PLEKHA8: variants seen among roughly 807,000 people sequenced by gnomAD.
PLEKHA8 encodes pleckstrin homology domain-containing family A member 8.
In PLEKHA8, 36 loss-of-function variants were observed where a neutral mutation model predicts 68.2. The ratio of observed to expected loss-of-function variants is 0.53; its 90% confidence interval spans 0.40 to 0.70. The LOEUF is 0.70. Among genes scored for constraint, PLEKHA8 ranks in the 30% least tolerant of loss-of-function variants. The pLI, the probability that PLEKHA8 is intolerant of heterozygous loss-of-function variation, is 0.00. For missense variants in PLEKHA8, 505 were observed against 615.4 expected (o/e 0.82, Z 1.90); for synonymous variants, 211 against 216.1 (o/e 0.98, Z 0.20).
intron 12 of PLEKHA8, chr7:30,071,711 G>C (rs1192647617): frequency 6.6e-6 from 1 of 152,172 alleles, no homozygotes; most frequent in Non-Finnish European, 1.5e-5. Flanking sequence ...TCCACCAGCA[G>C]ATTTTAATGG....
Position 30,052,799 on chromosome 7 carries a change from A to G in PLEKHA8, c.729A>G (p.Leu243=). Residue 243 remains leucine (L), a synonymous_variant, in exon 7 of 14, where the codon TTA becomes TTG. Transcript: ENST00000449726. Reference sequence around the variant, plus strand: ...TCCTAATGAAAAATAAGAATTCCTTATATTTGAAATCTGCAGAGATAGACT... The same window carrying G: ...TCCTAATGAAAAATAAGAATTCCTTGTATTTGAAATCTGCAGAGATAGACT... ...EEILMKNKNS[L]YLKSAEIDCS... The G allele has an allele frequency of 6.4e-7, 1 of 1,568,786 alleles. No individual in the cohort carries two copies.
At chr7:30,095,468 T>A (rs1414853072), downstream of PLEKHA8, among the ~76,000 whole-genome samples, 1 of 152,264 alleles carries the variant, frequency 6.6e-6, no homozygotes, top group Non-Finnish European at 1.5e-5. Context: ...TCTCCCATTC[T>A]GTAGGTTGCC....
chr7:30,080,514 T>C lies in PLEKHA8; in HGVS notation c.*1727T>C, dbSNP rs76486848. The C allele has an allele frequency of 4.3e-3, 4,191 of 985,346 alleles. 133 individuals carry two copies. The African/African-American group carries it at 0.066, about 15-fold the overall frequency. The allele number at this position is 985,346 out of a possible 1,614,324, so 61.0% of individuals were successfully genotyped here. The stretch of plus-strand genomic sequence containing the variant: ...TTCTCTCTTTAGTCAGAGAAGTTTA[T>C]GTAGGGAGGGGTATTGGTTTTGCCT... On this transcript the variant is annotated 3_prime_UTR_variant, in exon 14 of 14. Transcript: ENST00000449726.
chr7:30,080,775 TTAGTATGA>T lies in PLEKHA8; in HGVS notation c.*1989_*1996del, dbSNP rs1268867193. On this transcript the variant is annotated 3_prime_UTR_variant, in exon 14 of 14. Coordinates refer to ENST00000449726, the MANE Select transcript of PLEKHA8 (RefSeq NM_001197026.2). ...AGTGAGTATAGATCTCCTTCTCTGA[TTAGTATGA>T]ATATGATGGCAGGACTCGGGGATAG... 1.0e-6 allele frequency: 1 copy of T among 985,180 alleles called. No individual in the cohort carries two copies. Among genetic ancestry groups the T allele is most frequent in the East Asian group, 1.1e-4 (1 of 8,824 alleles). 61.0% of individuals were successfully genotyped at this position (985,180 alleles called of 1,614,324 possible).
At chr7:30,104,694 G>C (rs1795993325) in intron 13 of PLEKHA8, among the ~76,000 whole-genome samples, 1 of 147,428 alleles carries the variant, frequency 6.8e-6, no homozygotes, top group Admixed American at 6.8e-5. Flanking sequence ...TGGGTGTTGA[G>C]TGGTAAAGGT....
chr7:30,081,862 A>G lies in PLEKHA8; in HGVS notation c.*3075A>G. ...CCAGTGTTTACACTTTGTAGGGATC[A>G]GGGTGTATTTGTTGAATTAAACAAA... is the stretch of plus-strand genomic sequence containing the variant. On this transcript the variant is annotated 3_prime_UTR_variant, in exon 14 of 14. Transcript: ENST00000449726. 1.0e-6 allele frequency: 1 copy of G among 985,420 alleles called. No individual in the cohort carries two copies. Among genetic ancestry groups the G allele is most frequent in the Non-Finnish European group, 1.2e-6 (1 of 829,902 alleles). The allele number at this position is 985,420 out of a possible 1,614,324, so 61.0% of individuals were successfully genotyped here.
intron 9 of PLEKHA8, among the ~76,000 whole-genome samples, chr7:30,056,724 CA>C (rs1195453987): frequency 1.6e-3 from 64 of 39,864 alleles, no homozygotes; most frequent in Non-Finnish European, 1.9e-3. Context: ...CAGCCTGTCT[CA>C]AAAAAAAAAA....
chr7:30,088,178 A>G (rs1161378119), downstream of PLEKHA8, among the ~76,000 whole-genome samples: 3 of 152,218 alleles, frequency 2.0e-5, no homozygotes, highest in Non-Finnish European at 2.9e-5. Context: ...CTCAGGAAAT[A>G]CTTTTTGAGT....
At chr7:30,112,372 G>C (rs1222988986) in intron 13 of PLEKHA8, among the ~76,000 whole-genome samples, 1 of 149,872 alleles carries the variant, frequency 6.7e-6, no homozygotes, top group Non-Finnish European at 1.5e-5. Flanking sequence ...TTAACAAAAA[G>C]ATAACTCCTT....
intron 2 of PLEKHA8, among the ~76,000 whole-genome samples, chr7:30,045,892 A>G (rs1459025426): frequency 6.6e-6 from 1 of 152,214 alleles, no homozygotes; most frequent in African/African-American, 2.4e-5. Context: ...ACACACACCC[A>G]CTGAAAGAAA....
chr7:30,056,779 GTGTGTGTA>G lies in PLEKHA8; in HGVS notation c.1039+1439_1039+1446del, dbSNP rs1485957049. Among the ~76,000 whole-genome samples the G allele has an allele frequency of 3.6e-3, 367 of 101,344 alleles. 2 individuals are homozygous for G. Among genetic ancestry groups the G allele is most frequent in the East Asian group, 0.013 (55 of 4,372 alleles). 66.5% of individuals were successfully genotyped at this position (101,344 alleles called of 152,430 possible). On this transcript the variant is annotated intron_variant, in intron 9 of 13. Transcript: ENST00000449726. ...TGTGTGTGTGTGTGTGTGTGTGTGT[GTGTGTGTA>G]TATATATATGTTATGTGTATATATA...
chr7:30,123,032 C>A (rs1037287031), intron 13 of PLEKHA8, among the ~76,000 whole-genome samples: 1 of 152,164 alleles, frequency 6.6e-6, no homozygotes, highest in Non-Finnish European at 1.5e-5. Flanking sequence ...TTTCCCCCCC[C>A]TAAGCTAGCT....
At chr7:30,029,597 C>T (rs1183325015) in intron 1 of PLEKHA8, among the ~76,000 whole-genome samples, 1 of 152,204 alleles carries the variant, frequency 6.6e-6, no homozygotes, top group East Asian at 1.9e-4. Flanking sequence ...GTATTTAATA[C>T]AAGCCTACTA....
intron 13 of PLEKHA8, among the ~76,000 whole-genome samples, chr7:30,103,409 A>G (rs77823918): frequency 0.058 from 8,860 of 152,318 alleles, 398 homozygotes; most frequent in Non-Finnish European, 0.083. Context: ...AATGCCAGCA[A>G]TGTTTTTGTA....
In PLEKHA8 at chr7:30,082,840, A is replaced by G; in HGVS notation, c.*4053A>G. ...ATAGAGTCAGAGGGTCATGAGCAAT[A>G]GACGATGATGCGAGGCATTTGGGGA... On this transcript the variant is annotated 3_prime_UTR_variant, in exon 14 of 14. Coordinates refer to ENST00000449726, the MANE Select transcript of PLEKHA8 (RefSeq NM_001197026.2). 1.0e-6 allele frequency: 1 copy of G among 985,376 alleles called. No homozygotes were observed. The highest frequency in any genetic ancestry group is 1.2e-6 in the Non-Finnish European group (1 of 829,916). 61.0% of individuals were successfully genotyped at this position (985,376 alleles called of 1,614,324 possible).
chr7:30,079,513 A>G lies in PLEKHA8; in HGVS notation c.*726A>G. ...AGATGACACCTCCCAACTGCCTACC[A>G]TTTACCAGCATGTTCCCCATGCATT... On this transcript the variant is annotated 3_prime_UTR_variant, in exon 14 of 14. Coordinates refer to ENST00000449726, the MANE Select transcript of PLEKHA8 (RefSeq NM_001197026.2). The G allele has an allele frequency of 2.1e-6, 2 of 974,960 alleles. No individual in the cohort carries two copies. Among genetic ancestry groups the G allele is most frequent in the Non-Finnish European group, 2.4e-6 (2 of 820,424 alleles). 60.4% of individuals were successfully genotyped at this position (974,960 alleles called of 1,614,324 possible).
exon 14 of PLEKHA8, chr7:30,129,404 C>T (rs1325229692): frequency 2.8e-6 from 4 of 1,406,588 alleles, no homozygotes; most frequent in African/African-American, 1.4e-5. Context: ...CAGCCAATTC[C>T]GTCCTGCACT....
At chr7:30,035,982 A>G (rs1219258030) in intron 1 of PLEKHA8, among the ~76,000 whole-genome samples, 2 of 149,084 alleles carry the variant, frequency 1.3e-5, no homozygotes, top group Admixed American at 1.3e-4. Context: ...TAGACCAGGC[A>G]TGGTGGCTCA....
intron 1 of PLEKHA8, among the ~76,000 whole-genome samples, chr7:30,031,373 T>G (rs762336998): frequency 7.2e-5 from 11 of 152,252 alleles, no homozygotes; most frequent in Middle Eastern, 3.4e-3. Flanking sequence ...ATCAAGCTGT[T>G]AATAGTTCGC....
Sources: allele counts gnomAD v4.1 joint callset (sites outside exome capture counted in the v4.1 genomes callset), GRCh38; gene constraint gnomAD v4.1.1; transcripts MANE v1.5; gene names NCBI Gene and HGNC (gene_info 2026-07-23, HGNC 2026-07-21).